ZBTB1: variants seen among roughly 807,000 people sequenced by gnomAD.
ZBTB1 encodes zinc finger and BTB domain containing 1, also known as zinc finger and BTB domain-containing protein 1.
A neutral mutation model predicts 51.6 loss-of-function variants in ZBTB1; 13 were observed. The ratio of observed to expected loss-of-function variants is 0.25; its 90% CI spans 0.16 to 0.40. ZBTB1 has a LOEUF of 0.40. Ranked by LOEUF, ZBTB1 falls within the 10% of genes least tolerant of loss-of-function variation. The pLI, the probability that ZBTB1 is intolerant of heterozygous loss-of-function variation, is 1.00. For synonymous variants in ZBTB1, 240 were observed against 282.2 expected, an observed-to-expected ratio of 0.85 and a Z score of 1.50; for missense variants, 567 against 856.5, an observed-to-expected ratio of 0.66 and a Z score of 4.22.
At position 64,523,906 on chromosome 14, in the gene ZBTB1, AGTGGTT is replaced by A. The variant is rs983792260; in HGVS notation, c.*263_*268del. The A allele has an allele frequency of 6.9e-6, 8 of 1,158,170 alleles. No individual in the cohort carries two copies. Among genetic ancestry groups the A allele is most frequent in the Non-Finnish European group, 3.2e-6 (3 of 931,716 alleles). 71.7% of individuals were successfully genotyped at this position (1,158,170 alleles called of 1,614,324 possible). ...TTAAAATTTTTAAATGTAGACTACA[AGTGGTT>A]GTTACCCATTCAATGACTATTAAAC... On this transcript the variant is annotated 3_prime_UTR_variant, in exon 2 of 2. Transcript: ENST00000683701. The surrounding 1 kb of genome is among the most constrained non-coding windows in gnomAD (Gnocchi z 4.5).
intron 1 of ZBTB1, among the ~76,000 whole-genome samples, chr14:64,507,382 TTATTA>T (rs1396871565): frequency 1.3e-5 from 2 of 152,238 alleles, no homozygotes; most frequent in African/African-American, 4.8e-5. Flanking sequence ...GAAATGTTTT[TTATTA>T]TAAAATCCAT....
chr14:64,521,699 C>G lies in ZBTB1; in HGVS notation c.195C>G (p.Leu65=). 8.1e-6 allele frequency: 13 copies of G among 1,614,080 alleles called. No homozygotes were observed. The highest frequency in any genetic ancestry group is 1.0e-5 in the Non-Finnish European group (12 of 1,180,032). ...NHQHSTAQLN[L]SNMKISAECF... Reference sequence around the variant, plus strand: ...AGCATAGTACTGCACAACTGAATCTCAGCAACATGAAAATTAGTGCAGAAT... The same window carrying G: ...AGCATAGTACTGCACAACTGAATCTGAGCAACATGAAAATTAGTGCAGAAT... Residue 65 remains leucine, a synonymous_variant, in exon 2 of 2, where the codon CTC becomes CTG. Transcript: ENST00000683701.
rs1424998562 is a variant in ZBTB1 at position 64,511,366 on chromosome 14, C to T, written c.-19+6420C>T. 2.0e-5 allele frequency: 3 copies of T among 152,282 alleles called. No individual in the cohort carries two copies. The East Asian group carries it at 5.8e-4, about 29-fold the overall frequency. The allele number at this position is 152,282 out of a possible 1,614,324, so 9.4% of individuals were successfully genotyped here. ...GGAATATTCCAGAAGCCACTGTGTT[C>T]CTTCTGCTTTCTGTGTGGGTAAGTT... On this transcript the variant is annotated intron_variant, in intron 1 of 1. Coordinates refer to ENST00000683701, the MANE Select transcript of ZBTB1 (RefSeq NM_001123329.2).
In ZBTB1 at chr14:64,521,870, T is replaced by C; in HGVS notation, c.366T>C (p.Ser122=). The C allele has an allele frequency of 6.2e-7, 1 of 1,613,394 alleles. No individual in the cohort carries two copies. The highest frequency in any genetic ancestry group is 8.5e-7 in the Non-Finnish European group (1 of 1,180,044). ...AAGACATCCAGGATGCAGATTGTTCTAGTTCAAAATGTTCCTCTTCTGCTT... is the reference window on the plus strand; with the variant it reads ...AAGACATCCAGGATGCAGATTGTTCCAGTTCAAAATGTTCCTCTTCTGCTT... ...CLEDIQDADC[S]SSKCSSSASS... Residue 122 remains serine, a synonymous_variant, in exon 2 of 2, where the codon TCT becomes TCC. Transcript: ENST00000683701.
At position 64,522,605 on chromosome 14, in the gene ZBTB1, G is replaced by A. The variant is rs2079871419; in HGVS notation, c.1101G>A (p.Glu367=). The A allele has an allele frequency of 3.7e-6, 6 of 1,613,884 alleles. No individual in the cohort carries two copies. The East Asian group carries it at 8.9e-5, about 24-fold the overall frequency. ...DNDELEDEPE[E]PFYRYYVEED... The stretch of plus-strand genomic sequence containing the variant: ...ATGAATTAGAAGATGAACCTGAAGA[G>A]CCATTTTATAGATACTATGTTGAAG... The change falls in exon 2 of 2, where the codon GAG becomes GAA. Residue 367 remains glutamate (E), a synonymous_variant. Coordinates refer to ENST00000683701, the MANE Select transcript of ZBTB1 (RefSeq NM_001123329.2).
intron 1 of ZBTB1, among the ~76,000 whole-genome samples, chr14:64,517,781 A>ATATATATATATATATATT (rs1160337478): frequency 2.4e-5 from 1 of 41,562 alleles, no homozygotes; most frequent in South Asian, 7.9e-4. Context: ...ATATATATAT[A>ATATATATATATATATATT]TTTTTTTTTT....
intron 1 of ZBTB1, among the ~76,000 whole-genome samples, chr14:64,519,074 G>T (rs1341134380): frequency 1.3e-5 from 2 of 148,848 alleles, no homozygotes; most frequent in Non-Finnish European, 3.0e-5. Flanking sequence ...GTTTGGAGGG[G>T]TTACCTCTGA....
chr14:64,506,812 C>G (rs2079665139), intron 1 of ZBTB1, among the ~76,000 whole-genome samples: 1 of 152,124 alleles, frequency 6.6e-6, no homozygotes, highest in Non-Finnish European at 1.5e-5. Flanking sequence ...ACTGGTGTAT[C>G]ATTGTCAGAG....
At chr14:64,520,271 G>A (rs2079847331) in intron 1 of ZBTB1, among the ~76,000 whole-genome samples, 1 of 152,086 alleles carries the variant, frequency 6.6e-6, no homozygotes. Flanking sequence ...CCAAAGTGCT[G>A]GGATTACAGG....
At chr14:64,514,690 A>G (rs1274156150) in intron 1 of ZBTB1, among the ~76,000 whole-genome samples, 4 of 152,260 alleles carry the variant, frequency 2.6e-5, no homozygotes, top group African/African-American at 9.6e-5. Flanking sequence ...GCCACATTAC[A>G]GATAAAGAAT....
intron 1 of ZBTB1, among the ~76,000 whole-genome samples, chr14:64,513,379 TG>T (rs2079746683): frequency 6.6e-6 from 1 of 152,188 alleles, no homozygotes; most frequent in Non-Finnish European, 1.5e-5. Context: ...GTATTACAGT[TG>T]TCATTTACTC....
chr14:64,523,710 G>A lies in ZBTB1; in HGVS notation c.*64G>A, dbSNP rs1056184980. 23 of 1,455,782 alleles carry A rather than the reference G, an allele frequency of 1.6e-5. 1 individual carries two copies. The highest frequency in any genetic ancestry group is 4.3e-5 in the African/African-American group (3 of 69,998). The allele number at this position is 1,455,782 out of a possible 1,614,324, so 90.2% of individuals were successfully genotyped here. On this transcript the variant is annotated 3_prime_UTR_variant, in exon 2 of 2. Transcript: ENST00000683701. This position sits in a 1 kb window ranked among gnomAD's most constrained non-coding sequence, Gnocchi z 4.5. ...TAAAACACCAAAGCAAAGGATATGA[G>A]CTATTTAGGAATTGATTATATAAGA...
chr14:64,529,851 GA>G (rs2079930322), downstream of ZBTB1, among the ~76,000 whole-genome samples: 3 of 152,122 alleles, frequency 2.0e-5, no homozygotes, highest in African/African-American at 7.2e-5. Flanking sequence ...ATAGGTGATT[GA>G]TTTGATTAAG....
intron 1 of ZBTB1, among the ~76,000 whole-genome samples, chr14:64,518,904 G>GTATATATAGATATATA (rs2079825569): frequency 1.1e-5 from 1 of 95,128 alleles, no homozygotes; most frequent in Non-Finnish European, 2.0e-5. Context: ...TTGCAGAGAG[G>GTATATATAGATATATA]TATATATATA....
At chr14:64,504,718 G>A, upstream of ZBTB1, 2 of 372,114 alleles carry the variant, frequency 5.4e-6, no homozygotes, top group Non-Finnish European at 9.6e-6. Context: ...CGTAAGCGGG[G>A]CCGGCTCAGT....
chr14:64,527,103 T>G (rs1173932086), downstream of ZBTB1, among the ~76,000 whole-genome samples: 6 of 151,552 alleles, frequency 4.0e-5, no homozygotes, highest in Non-Finnish European at 8.8e-5. Flanking sequence ...ACTAACAGTT[T>G]GAGTATGGAC....
Position 64,524,345 on chromosome 14 carries a change from C to T in ZBTB1, c.*699C>T, listed in dbSNP as rs1214665130. 6.5e-6 allele frequency: 6 copies of T among 919,720 alleles called. No homozygotes were observed. The highest frequency in any genetic ancestry group is 7.8e-6 in the Non-Finnish European group (6 of 770,348). 57.0% of individuals were successfully genotyped at this position (919,720 alleles called of 1,614,324 possible). ...AGTGTAAATTCCAGTGGCTTTACCT[C>T]ACTTGAAAAATTAGTGGGGATAAGC... On this transcript the variant is annotated 3_prime_UTR_variant, in exon 2 of 2. Coordinates refer to ENST00000683701, the MANE Select transcript of ZBTB1 (RefSeq NM_001123329.2).
intron 1 of ZBTB1, among the ~76,000 whole-genome samples, chr14:64,517,839 A>G (rs1373579648): frequency 7.7e-6 from 1 of 129,150 alleles, no homozygotes; most frequent in Non-Finnish European, 1.6e-5. Context: ...GCTGGAGTAC[A>G]GTGGCATGAT....
chr14:64,517,674 C>T (rs565425217), intron 1 of ZBTB1, among the ~76,000 whole-genome samples: 55 of 147,738 alleles, frequency 3.7e-4, no homozygotes, highest in East Asian at 1.0e-3. Context: ...TTATATAATT[C>T]TAACATAATT....
Sources: allele counts gnomAD v4.1 joint callset (sites outside exome capture counted in the v4.1 genomes callset), GRCh38; gene constraint gnomAD v4.1.1; non-coding constraint Gnocchi (gnomAD v3.1); transcripts MANE v1.5; gene names NCBI Gene and HGNC (gene_info 2026-07-23, HGNC 2026-07-21).